Variants in PCDHA6 observed in about 807,000 individuals in gnomAD.
PCDHA6 encodes the protein protocadherin alpha 6.
Under a neutral mutation model 60.3 loss-of-function variants are expected in PCDHA6, and 55 were observed. The observed-to-expected ratio is 0.91, with a 90% CI of 0.73 to 1.14. The LOEUF is 1.14. PCDHA6 is among the 50% of genes most tolerant of loss of function. The pLI is 0.00. For missense variants in PCDHA6, 1,327 were observed against 1,256.5 expected, an observed-to-expected ratio of 1.06 and a Z score of -0.85; for synonymous variants, 652 against 557.9, an observed-to-expected ratio of 1.17 and a Z score of -2.38.
intron 1 of PCDHA6, chr5:140,868,445 T>C (rs1250466502): frequency 6.6e-6 from 1 of 152,220 alleles, no homozygotes; most frequent in Non-Finnish European, 1.5e-5. Flanking sequence ...ATGTGGAACA[T>C]AAACACTAAA....
intron 3 of PCDHA6, among the ~76,000 whole-genome samples, chr5:140,994,878 A>G (rs1034578696): frequency 2.0e-5 from 3 of 152,170 alleles, no homozygotes; most frequent in Non-Finnish European, 4.4e-5. Context: ...GAATAAAGAG[A>G]TGTTAGGAAA....
At chr5:140,842,168 A>G (rs2150330845) in intron 1 of PCDHA6, 2 of 1,613,900 alleles carry the variant, frequency 1.2e-6, no homozygotes, top group Non-Finnish European at 1.7e-6. Context: ...TTCTTTTAAT[A>G]GCCTTGTTGA....
At chr5:140,860,192 C>CATATATATAT (rs143984774) in intron 1 of PCDHA6, 4 of 146,816 alleles carry the variant, frequency 2.7e-5, no homozygotes, top group African/African-American at 7.5e-5. Context: ...GCTCTCCTTA[C>CATATATATAT]ATATATATCT....
intron 3 of PCDHA6, among the ~76,000 whole-genome samples, chr5:140,991,311 G>A (rs1036350235): frequency 3.3e-5 from 5 of 152,108 alleles, no homozygotes; most frequent in Admixed American, 2.0e-4. Context: ...ATCTTGTCCC[G>A]CATGATACAT....
At chr5:140,851,386 G>A (rs1374142206) in intron 1 of PCDHA6, 1 of 975,080 alleles carries the variant, frequency 1.0e-6, no homozygotes, top group African/African-American at 1.8e-5. Flanking sequence ...GCAACCTTCA[G>A]TATCTATTAT....
At chr5:140,857,925 A>G (rs1291686886) in intron 1 of PCDHA6, 2 of 1,597,800 alleles carry the variant, frequency 1.3e-6, no homozygotes. Context: ...GTGGGGCTGT[A>G]CACGGGCGAG....
intron 1 of PCDHA6, chr5:140,967,077 G>A (rs1483899506): frequency 1.9e-6 from 3 of 1,613,140 alleles, no homozygotes; most frequent in South Asian, 1.1e-5. Context: ...GTCAACGAGC[G>A]CATTGATCGG....
intron 1 of PCDHA6, chr5:140,854,282 G>A: frequency 1.9e-6 from 1 of 533,858 alleles, no homozygotes; most frequent in African/African-American, 2.1e-5. Context: ...ATTGAGTTTA[G>A]TTTTTATTAT....
chr5:140,976,685 T>TTGC (rs1279936534), intron 1 of PCDHA6, among the ~76,000 whole-genome samples: 2 of 152,238 alleles, frequency 1.3e-5, no homozygotes, highest in East Asian at 3.8e-4. Flanking sequence ...TTTTGCAATT[T>TTGC]AAGTACAATA....
intron 1 of PCDHA6, chr5:140,855,953 T>TA (rs2043692800): frequency 2.2e-6 from 3 of 1,381,096 alleles, no homozygotes; most frequent in Admixed American, 4.7e-5. Flanking sequence ...GCCATTTCGA[T>TA]AAAAAATAGA....
chr5:140,850,804 T>G (rs2150498986), intron 1 of PCDHA6: 1 of 1,598,410 alleles, frequency 6.3e-7, no homozygotes, highest in Admixed American at 1.7e-5. Flanking sequence ...ACCGACCTCA[T>G]GGCCTTCAGC....
chr5:140,842,359 C>T (rs1157712945), intron 1 of PCDHA6: 5 of 1,606,532 alleles, frequency 3.1e-6, no homozygotes, highest in Non-Finnish European at 4.3e-6. Context: ...AAAATGATAA[C>T]GTCCCTGAGA....
In PCDHA6 at chr5:140,967,909, C is replaced by T. The variant is rs140881563; in HGVS notation, c.2395-11040C>T. The T allele has an allele frequency of 5.0e-5, 81 of 1,614,206 alleles. No individual in the cohort carries two copies. In the African/African-American group the frequency reaches 9.1e-4, roughly 18 times the overall value. ...CAGTGCCTGAGAATGCTACACCCAACACCATTGTGGCCGTTCTCAGTGTCA... is the reference window on the plus strand; with the variant it reads ...CAGTGCCTGAGAATGCTACACCCAATACCATTGTGGCCGTTCTCAGTGTCA... On this transcript the variant is annotated intron_variant, in intron 1 of 3. Coordinates refer to ENST00000529310, the MANE Select transcript of PCDHA6 (RefSeq NM_018909.4).
At chr5:140,869,099 A>G in intron 1 of PCDHA6, 1 of 1,596,446 alleles carries the variant, frequency 6.3e-7, no homozygotes, top group African/African-American at 1.3e-5. Flanking sequence ...CCAATTTCGT[A>G]TGCGATGTTT....
At chr5:140,946,038 G>T (rs782421286) in intron 1 of PCDHA6, among the ~76,000 whole-genome samples, 29 of 152,042 alleles carry the variant, frequency 1.9e-4, no homozygotes, top group Non-Finnish European at 4.0e-4. Flanking sequence ...CAAGAGTGAA[G>T]GGACAATCCA....
intron 1 of PCDHA6, chr5:140,967,700 G>T: frequency 6.2e-7 from 1 of 1,614,196 alleles, no homozygotes; most frequent in Non-Finnish European, 8.5e-7. Context: ...CAGCATAGAT[G>T]CCAGTACCGG....
At chr5:140,842,245 G>A in intron 1 of PCDHA6, 1 of 1,611,970 alleles carries the variant, frequency 6.2e-7, no homozygotes. Context: ...GGGGTAATTT[G>A]GATTTTGAAC....
At chr5:140,904,475 T>C (rs1034610314) in intron 1 of PCDHA6, among the ~76,000 whole-genome samples, 1 of 151,866 alleles carries the variant, frequency 6.6e-6, no homozygotes, top group Non-Finnish European at 1.5e-5. Context: ...TGGTGGCTAT[T>C]TGGTCTGATT....
intron 1 of PCDHA6, among the ~76,000 whole-genome samples, chr5:140,872,775 A>G (rs2053889520): frequency 1.3e-5 from 2 of 152,182 alleles, no homozygotes; most frequent in Non-Finnish European, 1.5e-5. Context: ...TATATTATCT[A>G]TAATATATGC....
Sources: allele counts gnomAD v4.1 joint callset (sites outside exome capture counted in the v4.1 genomes callset), GRCh38; gene constraint gnomAD v4.1.1; transcripts MANE v1.5; gene names NCBI Gene and HGNC (gene_info 2026-07-23, HGNC 2026-07-21).